Variants in LINGO1 observed in about 807,000 individuals in gnomAD.
LINGO1 encodes leucine rich repeat and Ig domain containing 1.
LINGO1 carries 11 observed loss-of-function variants against 37.3 expected under a neutral mutation model. The observed-to-expected ratio is 0.29, with a 90% CI of 0.19 to 0.49. LINGO1 has a LOEUF of 0.49. LINGO1 is among the 20% of genes least tolerant of loss of function. LINGO1 has a pLI of 0.99. For synonymous variants in LINGO1, 387 were observed against 403.0 expected, an observed-to-expected ratio of 0.96 and a Z score of 0.48; for missense variants, 585 against 878.2, an observed-to-expected ratio of 0.67 and a Z score of 4.22.
chr15:77,630,882 G>A (rs1318415913), intron 1 of LINGO1, among the ~76,000 whole-genome samples: 2 of 152,152 alleles, frequency 1.3e-5, no homozygotes, highest in Non-Finnish European at 2.9e-5. Context: ...TCTCTCCCCG[G>A]TGCCACCCTA....
rs527389538 is a variant in LINGO1 at position 77,631,810 on chromosome 15, G to A, written c.6+500C>T. 3.7e-4 allele frequency among the ~76,000 whole-genome samples: 56 copies of A among 152,340 alleles called. 1 individual carries two copies. Among genetic ancestry groups the A allele is most frequent in the African/African-American group, 1.3e-3 (52 of 41,592 alleles). On this transcript the variant is annotated intron_variant, in intron 1 of 1. Coordinates refer to ENST00000355300, the MANE Select transcript of LINGO1 (RefSeq NM_032808.7). Reference sequence around the variant, plus strand: ...CACTGGGCAGGAGCTGGAAAGGGGCGATGCTTGTGTGTGGTGGGGAGCTGC... The same window carrying A: ...CACTGGGCAGGAGCTGGAAAGGGGCAATGCTTGTGTGTGGTGGGGAGCTGC...
chr15:77,738,410 C>T (rs146176961), intron 1 of LINGO1, among the ~76,000 whole-genome samples: 4 of 152,284 alleles, frequency 2.6e-5, no homozygotes, highest in South Asian at 2.1e-4. Context: ...CCTTCCCACA[C>T]GGGCCAGTCT....
At position 77,729,726 on chromosome 15, in the gene LINGO1, C is replaced by T. The variant is rs1678982153; in HGVS notation, c.-195+5266G>A. The stretch of plus-strand genomic sequence containing the variant: ...CCTACTCCTTCTCAAGGACTATATG[C>T]TGTTTTGCTCCTGTGGACAGCACAG... On this transcript the variant is annotated intron_variant, in intron 2 of 3. Transcript: ENST00000561686. Among the ~76,000 whole-genome samples, 3 of 152,362 alleles carry T rather than the reference C, an allele frequency of 2.0e-5. No individual in the cohort carries two copies. In the South Asian group the frequency reaches 6.2e-4, roughly 32 times the overall value.
chr15:77,769,039 C>T (rs1451374657), intron 1 of LINGO1, among the ~76,000 whole-genome samples: 2 of 152,226 alleles, frequency 1.3e-5, no homozygotes, highest in African/African-American at 2.4e-5. Flanking sequence ...CCACTGCTGT[C>T]AGGGACAATT....
intron 1 of LINGO1, among the ~76,000 whole-genome samples, chr15:77,693,004 G>A (rs937903397): frequency 1.3e-5 from 2 of 152,212 alleles, no homozygotes; most frequent in Non-Finnish European, 2.9e-5. Flanking sequence ...TGTCTCCTAC[G>A]CACGCAGGGC....
At chr15:77,691,877 G>A (rs1400688847) in intron 1 of LINGO1, among the ~76,000 whole-genome samples, 2 of 152,134 alleles carry the variant, frequency 1.3e-5, no homozygotes, top group Non-Finnish European at 2.9e-5. Context: ...GGGTTGGGTT[G>A]CAGGATGTAC....
At chr15:77,784,729 C>T (rs1243680534) in intron 1 of LINGO1, 1 of 152,062 alleles carries the variant, frequency 6.6e-6, no homozygotes, top group Non-Finnish European at 1.5e-5. Flanking sequence ...AGTAGTCTTA[C>T]ACCTGGGAAG....
chr15:77,669,073 AT>A (rs570074381), intron 3 of LINGO1, among the ~76,000 whole-genome samples: 3 of 152,352 alleles, frequency 2.0e-5, no homozygotes, highest in South Asian at 2.1e-4. Flanking sequence ...TCAGGGTATA[AT>A]TACCTGTTAG....
chr15:77,730,712 T>C (rs2076146273), intron 2 of LINGO1, among the ~76,000 whole-genome samples: 1 of 152,214 alleles, frequency 6.6e-6, no homozygotes, highest in Non-Finnish European at 1.5e-5. Context: ...AAGCCAGACT[T>C]TGGCATCAGA....
At chr15:77,792,684 T>C (rs2076827495) in intron 2 of LINGO1, among the ~76,000 whole-genome samples, 1 of 152,254 alleles carries the variant, frequency 6.6e-6, no homozygotes, top group South Asian at 2.1e-4. Flanking sequence ...TCCCTAATCT[T>C]ATATTACGGA....
chr15:77,783,073 C>T (rs1278955929), intron 1 of LINGO1, among the ~76,000 whole-genome samples: 2 of 152,204 alleles, frequency 1.3e-5, no homozygotes, highest in Admixed American at 6.5e-5. Context: ...CCTTCAGCCT[C>T]AAAGTCACCT....
chr15:77,789,786 G>A (rs1249062850), upstream of LINGO1, among the ~76,000 whole-genome samples: 1 of 151,952 alleles, frequency 6.6e-6, no homozygotes, highest in Non-Finnish European at 1.5e-5. Flanking sequence ...TTGGGGATTT[G>A]GGGCTTTGGG....
chr15:77,688,504 G>A (rs537322195), intron 2 of LINGO1, among the ~76,000 whole-genome samples: 1 of 152,306 alleles, frequency 6.6e-6, no homozygotes, highest in South Asian at 2.1e-4. Flanking sequence ...ACCCTCGGAG[G>A]GCAGAGTGGG....
chr15:77,712,700 C>T (rs78591985), intron 2 of LINGO1, among the ~76,000 whole-genome samples: 3 of 152,332 alleles, frequency 2.0e-5, no homozygotes, highest in Non-Finnish European at 4.4e-5. Flanking sequence ...ACTGAGACCT[C>T]ACTTTGTTTT....
At chr15:77,630,626 T>C (rs922789907) in intron 1 of LINGO1, among the ~76,000 whole-genome samples, 2 of 151,978 alleles carry the variant, frequency 1.3e-5, no homozygotes, top group Non-Finnish European at 2.9e-5. Flanking sequence ...CACATGCCCA[T>C]CCCCCTAAAA....
At chr15:77,702,073 C>G (rs1007058314) in intron 2 of LINGO1, among the ~76,000 whole-genome samples, 5 of 152,078 alleles carry the variant, frequency 3.3e-5, no homozygotes, top group Non-Finnish European at 7.4e-5. Flanking sequence ...GCCTGAAGGC[C>G]CACACTAGAG....
Position 77,615,854 on chromosome 15 carries a change from G to A in LINGO1, c.53C>T (p.Pro18Leu). Residue 18 changes from proline to leucine, a missense_variant, in exon 2 of 2, where the codon CCC becomes CTC. Transcript: ENST00000355300. ...GATGGGCTGCCAGCAGGCCAGGAGG[G>A]GGCTGGGCATGCTCCTCACGCCCCC... ...LAGGVRSMPSPLLACWQPILL... is the reference protein window; with the variant it reads ...LAGGVRSMPSLLLACWQPILL... 6.7e-7 allele frequency: 1 copy of A among 1,492,732 alleles called. No homozygotes were observed. The highest frequency in any genetic ancestry group is 8.9e-7 in the Non-Finnish European group (1 of 1,128,850). 92.5% of individuals were successfully genotyped at this position (1,492,732 alleles called of 1,614,324 possible). A position where few individuals can be genotyped will look rare whatever the true frequency, so the allele number is the denominator to read the frequency against.
intron 3 of LINGO1, among the ~76,000 whole-genome samples, chr15:77,644,110 G>A (rs1180096458): frequency 6.6e-6 from 1 of 152,246 alleles, no homozygotes; most frequent in Non-Finnish European, 1.5e-5. Context: ...TCTGCTTTGC[G>A]AATGTATCTA....
rs1237983475 is a variant in LINGO1, at chr15:77,615,797, C to G, written c.110G>C (p.Gly37Ala). The change falls in exon 2 of 2, where the codon GGC becomes GCC. Residue 37 changes from glycine to alanine, a missense_variant. Coordinates refer to ENST00000355300, the MANE Select transcript of LINGO1 (RefSeq NM_032808.7). ...GCGGGGCGGGCAGCCCGTGGCCGAGCCTGACAGCACTGAGCCCAGCACCAG... is the reference window on the plus strand; with the variant it reads ...GCGGGGCGGGCAGCCCGTGGCCGAGGCTGACAGCACTGAGCCCAGCACCAG... ...LLLVLGSVLS[G>A]SATGCPPRCE... 1.3e-6 allele frequency: 2 copies of G among 1,562,502 alleles called. No individual in the cohort carries two copies. The highest frequency in any genetic ancestry group is 3.6e-5 in the Admixed American group (2 of 55,312).
Sources: allele counts gnomAD v4.1 joint callset (sites outside exome capture counted in the v4.1 genomes callset), GRCh38; gene constraint gnomAD v4.1.1; transcripts MANE v1.5; gene names NCBI Gene and HGNC (gene_info 2026-07-23, HGNC 2026-07-21).